The following RIMS1 variants were observed in gnomAD, a reference collection of about 807,000 sequenced individuals.
The protein encoded by RIMS1 is regulating synaptic membrane exocytosis protein 1.
A neutral mutation model predicts 214.1 loss-of-function variants in RIMS1; 83 were observed. The observed-to-expected ratio is 0.39, with a 90% CI of 0.32 to 0.47. The LOEUF (loss-of-function observed/expected upper bound fraction) is 0.47. RIMS1 is among the 20% of genes least tolerant of loss of function. RIMS1 has a pLI of 0.99. For missense variants in RIMS1, 2,050 were observed against 2,161.8 expected, an observed-to-expected ratio of 0.95 and a Z score of 1.03; for synonymous variants, 793 against 786.8, an observed-to-expected ratio of 1.01 and a Z score of -0.13.
intron 1 of RIMS1, among the ~76,000 whole-genome samples, chr6:71,936,477 A>T (rs968879718): frequency 6.6e-6 from 1 of 152,178 alleles, no homozygotes; most frequent in African/African-American, 2.4e-5. Context: ...AAGCAAAACT[A>T]ATCAACAAAA....
At chr6:72,293,735 T>A (rs1222973684) in intron 26 of RIMS1, among the ~76,000 whole-genome samples, 1 of 151,718 alleles carries the variant, frequency 6.6e-6, no homozygotes, top group Non-Finnish European at 1.5e-5. Flanking sequence ...ACAAAATAAG[T>A]TGTATTGTAT....
intron 31 of RIMS1, among the ~76,000 whole-genome samples, chr6:72,395,033 G>A (rs966599172): frequency 3.9e-5 from 6 of 152,034 alleles, no homozygotes; most frequent in African/African-American, 9.7e-5. Context: ...AACTCTGGAT[G>A]AGCTAAATAG....
At chr6:71,976,422 A>G (rs566672315) in intron 2 of RIMS1, among the ~76,000 whole-genome samples, 1 of 152,188 alleles carries the variant, frequency 6.6e-6, no homozygotes, top group East Asian at 1.9e-4. Flanking sequence ...TCTAAGGATG[A>G]TCTTTCAAAA....
intron 2 of RIMS1, among the ~76,000 whole-genome samples, chr6:72,096,156 A>C (rs1419078629): frequency 6.6e-6 from 1 of 152,238 alleles, no homozygotes; most frequent in African/African-American, 2.4e-5. Context: ...CCCCACAGTC[A>C]GTAGTTAATC....
At chr6:72,302,232 A>T (rs755265063) in intron 26 of RIMS1, among the ~76,000 whole-genome samples, 1 of 151,532 alleles carries the variant, frequency 6.6e-6, no homozygotes, top group Non-Finnish European at 1.5e-5. Context: ...CTATTTTGCC[A>T]CATTGATTCC....
At chr6:72,258,075 G>T (rs1330646517) in intron 16 of RIMS1, 50 bp from the exon 17 acceptor site, 4 of 1,505,886 alleles carry the variant, frequency 2.7e-6, no homozygotes, top group Non-Finnish European at 3.7e-6. Flanking sequence ...GTTAATGTTT[G>T]CATTATAGAA....
At chr6:72,289,587 T>C (rs1309416223) in intron 24 of RIMS1, among the ~76,000 whole-genome samples, 1 of 152,186 alleles carries the variant, frequency 6.6e-6, no homozygotes, top group Non-Finnish European at 1.5e-5. Flanking sequence ...CCTGACATTT[T>C]CCTGTTTTGT....
intron 1 of RIMS1, among the ~76,000 whole-genome samples, chr6:71,938,519 T>C (rs1785124378): frequency 6.6e-6 from 1 of 152,226 alleles, no homozygotes; most frequent in Non-Finnish European, 1.5e-5. Flanking sequence ...ACCACATGGA[T>C]TCCGTTCATG....
At chr6:72,124,625 A>C (rs2039122743) in intron 4 of RIMS1, among the ~76,000 whole-genome samples, 1 of 152,028 alleles carries the variant, frequency 6.6e-6, no homozygotes, top group African/African-American at 2.4e-5. Context: ...AATCAAATGA[A>C]GATTTCATCT....
chr6:72,333,267 T>C (rs1366116003), intron 28 of RIMS1, among the ~76,000 whole-genome samples: 1 of 151,950 alleles, frequency 6.6e-6, no homozygotes, highest in Non-Finnish European at 1.5e-5. Flanking sequence ...TTTTAGTTTT[T>C]CTCTGGTAAC....
At chr6:72,347,559 G>A (rs952623930) in intron 29 of RIMS1, among the ~76,000 whole-genome samples, 2 of 148,494 alleles carry the variant, frequency 1.3e-5, no homozygotes, top group Non-Finnish European at 3.0e-5. Flanking sequence ...TGTGATGTAT[G>A]TAACAGAAAA....
chr6:72,016,405 C>A (rs1812770841), intron 2 of RIMS1, among the ~76,000 whole-genome samples: 1 of 152,122 alleles, frequency 6.6e-6, no homozygotes, highest in Admixed American at 6.5e-5. Context: ...CTTCTACAAG[C>A]TACCTTCTGG....
At chr6:72,332,499 C>T (rs941506803) in intron 28 of RIMS1, among the ~76,000 whole-genome samples, 11 of 125,474 alleles carry the variant, frequency 8.8e-5, no homozygotes, top group African/African-American at 3.4e-4. Flanking sequence ...AACACATGGA[C>T]ACAGGAAGGG....
At chr6:71,967,134 G>A (rs765432747) in intron 1 of RIMS1, among the ~76,000 whole-genome samples, 57 of 152,154 alleles carry the variant, frequency 3.7e-4, no homozygotes, top group Non-Finnish European at 6.3e-4. Flanking sequence ...CACGCCTGTA[G>A]TCCCAGCACT....
At chr6:72,229,362 G>T (rs1371384597) in intron 6 of RIMS1, among the ~76,000 whole-genome samples, 4 of 151,818 alleles carry the variant, frequency 2.6e-5, no homozygotes, top group Non-Finnish European at 5.9e-5. Flanking sequence ...GATAATTTAT[G>T]TAAATTTTGC....
intron 2 of RIMS1, among the ~76,000 whole-genome samples, chr6:71,976,849 G>C (rs1422418232): frequency 1.3e-5 from 2 of 152,036 alleles, no homozygotes; most frequent in Non-Finnish European, 1.5e-5. Context: ...TTTTATGCTT[G>C]AAAATATGAT....
intron 2 of RIMS1, among the ~76,000 whole-genome samples, chr6:72,089,570 C>T (rs1283869549): frequency 6.6e-6 from 1 of 152,062 alleles, no homozygotes; most frequent in Non-Finnish European, 1.5e-5. Context: ...ATGTCAGCCT[C>T]CTGAGTAGCT....
chr6:72,104,615 C>T (rs937837381), intron 4 of RIMS1, among the ~76,000 whole-genome samples: 2 of 152,014 alleles, frequency 1.3e-5, no homozygotes, highest in African/African-American at 4.8e-5. Context: ...TTCACTTGGC[C>T]GTACCTACCA....
chr6:72,062,120 T>C (rs1034879475), intron 2 of RIMS1, among the ~76,000 whole-genome samples: 2 of 152,190 alleles, frequency 1.3e-5, no homozygotes, highest in Non-Finnish European at 2.9e-5. Flanking sequence ...ACTTTGAAAA[T>C]GTTTTCAAAT....
Sources: gnomAD v4.1 joint callset for allele counts (sites outside exome capture counted in the v4.1 genomes callset) on GRCh38, gnomAD v4.1.1 for gene constraint, MANE v1.5 for transcripts, NCBI Gene and HGNC (gene_info 2026-07-23, HGNC 2026-07-21) for gene names.